Variants in SRR observed in about 807,000 individuals in gnomAD.
The protein encoded by SRR is D-serine ammonia-lyase.
A neutral mutation model predicts 32.7 loss-of-function variants in SRR; 19 were observed. The observed-to-expected ratio is 0.58, with a 90% CI of 0.40 to 0.85. The LOEUF (loss-of-function observed/expected upper bound fraction) is 0.85, where lower values mean the gene tolerates loss of function less well. SRR is among the 40% of genes least tolerant of loss of function. The pLI is 0.00. For synonymous variants in SRR, 142 were observed against 140.9 expected (o/e 1.01, Z -0.06); for missense variants, 373 against 404.7 (o/e 0.92, Z 0.67).
intron 1 of SRR, among the ~76,000 whole-genome samples, chr17:2,310,832 C>T (rs1342167872): frequency 3.3e-5 from 5 of 151,956 alleles, no homozygotes; most frequent in African/African-American, 7.3e-5. Context: ...CTGCAAACTC[C>T]GCCTCCCGGG....
chr17:2,323,416 G>A, intron 7 of SRR, 71 bp downstream of exon 7: 1 of 1,571,996 alleles, frequency 6.4e-7, no homozygotes, highest in South Asian at 1.1e-5. Context: ...CTTCCCTTAG[G>A]AGTAGCAAGT....
chr17:2,320,761 C>T (rs1417171574), intron 4 of SRR, among the ~76,000 whole-genome samples: 2 of 151,974 alleles, frequency 1.3e-5, no homozygotes, highest in South Asian at 2.1e-4. Context: ...GGGGTTTTGC[C>T]GTGTTGGCAA....
rs1597272564 is a variant in SRR, at chr17:2,324,041, C to A, written c.*168C>A. The A allele has an allele frequency of 6.6e-6, 8 of 1,209,470 alleles. No homozygotes were observed. The highest frequency in any genetic ancestry group is 9.2e-6 in the Non-Finnish European group (8 of 869,082). The allele number at this position is 1,209,470 out of a possible 1,614,324, so 74.9% of individuals were successfully genotyped here. On this transcript the variant is annotated 3_prime_UTR_variant, in exon 8 of 8. Transcript: ENST00000344595. ...GTAGTGGAAAAACTTTTATACTTAA[C>A]TGAGACATTTTGTCAAGGCTAAAAA...
Position 2,315,718 on chromosome 17 carries a change from G to T in SRR, c.158G>T (p.Gly53Val). 1.9e-6 allele frequency: 3 copies of T among 1,613,538 alleles called. No individual in the cohort carries two copies. The highest frequency in any genetic ancestry group is 1.1e-5 in the South Asian group (1 of 91,008). Residue 53 changes from glycine to valine, a missense_variant, in exon 2 of 8, where the codon GGA (glycine) becomes GTA (valine). Physicochemically the swap from Gly to Val is moderately radical, Grantham distance 109. Transcript: ENST00000344595. ...AAATGTGAACTCTTCCAGAAAACAG[G>T]ATCTTTTAAGGTAACAATCCTTTTT... Reference protein sequence around the residue: ...FFKCELFQKTGSFKIRGALNA... With the variant: ...FFKCELFQKTVSFKIRGALNA...
chr17:2,313,227 C>T (rs2075445547), intron 1 of SRR, among the ~76,000 whole-genome samples: 1 of 151,414 alleles, frequency 6.6e-6, no homozygotes, highest in Non-Finnish European at 1.5e-5. Context: ...GTCAGGAGTT[C>T]GAGACTAGCC....
At chr17:2,313,129 C>T (rs893047310) in intron 1 of SRR, among the ~76,000 whole-genome samples, 5 of 152,134 alleles carry the variant, frequency 3.3e-5, no homozygotes, top group African/African-American at 9.7e-5. Flanking sequence ...ACTATTAAGT[C>T]ATTTTAAAAG....
chr17:2,310,252 G>A (rs1468645745), intron 1 of SRR, among the ~76,000 whole-genome samples: 1 of 152,108 alleles, frequency 6.6e-6, no homozygotes, highest in Non-Finnish European at 1.5e-5. Context: ...TTTTGTTGTT[G>A]AGAGACAGGG....
At chr17:2,313,284 G>T (rs2075445976) in intron 1 of SRR, among the ~76,000 whole-genome samples, 1 of 151,812 alleles carries the variant, frequency 6.6e-6, no homozygotes, top group Non-Finnish European at 1.5e-5. Flanking sequence ...AAAAAAATTA[G>T]CTGGGTGTGG....
At chr17:2,320,325 G>A (rs1463203618) in intron 4 of SRR, among the ~76,000 whole-genome samples, 13 of 124,844 alleles carry the variant, frequency 1.0e-4, no homozygotes, top group Admixed American at 9.5e-4. Context: ...GCACAATCTC[G>A]GCTCACTGCA....
intron 4 of SRR, 34 bp downstream of exon 4, chr17:2,318,963 G>A: frequency 6.9e-7 from 1 of 1,447,920 alleles, no homozygotes; most frequent in Non-Finnish European, 9.7e-7. Flanking sequence ...CACCTTAACA[G>A]CTTTCATTTG....
At chr17:2,320,672 A>C (rs1370345278) in intron 4 of SRR, among the ~76,000 whole-genome samples, 10 of 144,256 alleles carry the variant, frequency 6.9e-5, no homozygotes, top group African/African-American at 1.3e-4. Flanking sequence ...AGAGATTCTC[A>C]TGCCTCAGCC....
At chr17:2,323,480 G>C (rs915336744) in intron 7 of SRR, 135 bp downstream of exon 7, 4 of 1,171,230 alleles carry the variant, frequency 3.4e-6, no homozygotes, top group Non-Finnish European at 4.9e-6. Flanking sequence ...TACCCTAGAT[G>C]TATTAATGAC....
chr17:2,304,664 C>T (rs777867838), intron 1 of SRR, among the ~76,000 whole-genome samples: 2 of 151,156 alleles, frequency 1.3e-5, no homozygotes, highest in Non-Finnish European at 2.9e-5. Flanking sequence ...CTGAGACGGG[C>T]GGATCGCTTG....
chr17:2,315,958 A>G (rs577543985), intron 2 of SRR, among the ~76,000 whole-genome samples: 1 of 152,206 alleles, frequency 6.6e-6, no homozygotes, highest in African/African-American at 2.4e-5. Flanking sequence ...TAATATATAT[A>G]ACTTATCCGA....
intron 3 of SRR, among the ~76,000 whole-genome samples, chr17:2,318,501 G>C (rs2075496892): frequency 7.5e-6 from 1 of 133,370 alleles, no homozygotes; most frequent in Non-Finnish European, 1.6e-5. Context: ...GTCTTGCACT[G>C]TCGCCCAGGC....
chr17:2,310,224 G>A (rs2075423735), intron 1 of SRR, among the ~76,000 whole-genome samples: 1 of 152,080 alleles, frequency 6.6e-6, no homozygotes, highest in Non-Finnish European at 1.5e-5. Context: ...TTTGATAGTG[G>A]GTTTTTTGTA....
At chr17:2,319,211 T>C (rs1037098666) in intron 4 of SRR, among the ~76,000 whole-genome samples, 3 of 152,190 alleles carry the variant, frequency 2.0e-5, no homozygotes, top group Non-Finnish European at 4.4e-5. Flanking sequence ...AAAAGGCATC[T>C]CAAACTACAG....
At chr17:2,321,140 A>C (rs1235614701) in intron 4 of SRR, among the ~76,000 whole-genome samples, 166 bp from the exon 5 acceptor site, 1 of 152,212 alleles carries the variant, frequency 6.6e-6, no homozygotes, top group Non-Finnish European at 1.5e-5. Context: ...CTACCATACA[A>C]TATAACGTGC....
At chr17:2,305,707 C>T (rs939220192) in intron 1 of SRR, among the ~76,000 whole-genome samples, 2 of 151,906 alleles carry the variant, frequency 1.3e-5, no homozygotes, top group Non-Finnish European at 2.9e-5. Context: ...TTTTGTTTTT[C>T]GTTTTTTTTG....
Sources: allele counts gnomAD v4.1 joint callset (sites outside exome capture counted in the v4.1 genomes callset), GRCh38; gene constraint gnomAD v4.1.1; transcripts MANE v1.5; gene names NCBI Gene and HGNC (gene_info 2026-07-23, HGNC 2026-07-21).